BRD3: variants seen among roughly 807,000 people sequenced by gnomAD.
The protein encoded by BRD3 is bromodomain-containing protein 3.
In BRD3, 17 loss-of-function variants were observed where a neutral mutation model predicts 66.8. That is an observed-to-expected ratio of 0.25 (90% CI 0.17 to 0.38). The LOEUF is 0.38. Among genes scored for constraint, BRD3 ranks in the 10% least tolerant of loss-of-function variants. BRD3 has a pLI of 1.00. For synonymous variants in BRD3, 421 were observed against 393.2 expected (o/e 1.07, Z -0.84); for missense variants, 713 against 956.1 (o/e 0.75, Z 3.35).
At chr9:134,063,463 T>G (rs984029990) in intron 1 of BRD3, among the ~76,000 whole-genome samples, 6 of 152,146 alleles carry the variant, frequency 3.9e-5, no homozygotes, top group African/African-American at 1.4e-4. Flanking sequence ...CCTTGTGGGA[T>G]TGTCAGGCCA....
chr9:134,052,542 G>GC, intron 2 of BRD3, 99 bp from the exon 3 acceptor site: 6 of 1,373,344 alleles, frequency 4.4e-6, no homozygotes, highest in African/African-American at 1.4e-5. Flanking sequence ...GTGGACTGAG[G>GC]ACTGGGGCTG....
Position 134,032,031 on chromosome 9 carries a change from C to T in BRD3, c.*1559G>A, listed in dbSNP as rs1037874572. 2.3e-5 allele frequency: 5 copies of T among 216,866 alleles called. No homozygotes were observed. Among genetic ancestry groups the T allele is most frequent in the Non-Finnish European group, 4.6e-5 (5 of 107,662 alleles). The allele number at this position is 216,866 out of a possible 1,614,324, so 13.4% of individuals were successfully genotyped here. On this transcript the variant is annotated 3_prime_UTR_variant, in exon 12 of 12. Coordinates refer to ENST00000303407, the MANE Select transcript of BRD3 (RefSeq NM_007371.4). Reference sequence around the variant, plus strand: ...GGCTCGGGAGGGCCTGGCCAGGCCACTGGAGGCTGGCAGGGAGCAGGCATG... The same window carrying T: ...GGCTCGGGAGGGCCTGGCCAGGCCATTGGAGGCTGGCAGGGAGCAGGCATG...
At chr9:134,042,043 G>A (rs1033319062) in intron 7 of BRD3, 92 bp from the exon 8 acceptor site, 1 of 1,357,262 alleles carries the variant, frequency 7.4e-7, no homozygotes, top group Non-Finnish European at 9.8e-7. Context: ...TGCCCCTGAG[G>A]CAGCACCCAC....
chr9:134,045,143 G>A lies in BRD3; in HGVS notation c.1215+150C>T. The A allele has an allele frequency of 8.4e-7, 1 of 1,187,330 alleles. No homozygotes were observed. The highest frequency in any genetic ancestry group is 2.6e-5 in the East Asian group (1 of 38,290). The allele number at this position is 1,187,330 out of a possible 1,614,324, so 73.5% of individuals were successfully genotyped here. ...CCAGCTCAGAGCCTGACAGGGACCT[G>A]GTTGGCACTCGGGAAAAAGGTGTTG... is the stretch of plus-strand genomic sequence containing the variant. On this transcript the variant is annotated intron_variant, in intron 7 of 11. Coordinates refer to ENST00000303407, the MANE Select transcript of BRD3 (RefSeq NM_007371.4). The surrounding 1 kb of genome is among the most constrained non-coding windows in gnomAD (Gnocchi z 4.8).
rs1267886521 is a variant in BRD3, at chr9:134,050,445, G to C, written c.643C>G (p.Pro215Ala). The C allele has an allele frequency of 6.2e-7, 1 of 1,612,458 alleles. No homozygotes were observed. The highest frequency in any genetic ancestry group is 8.5e-7 in the Non-Finnish European group (1 of 1,179,700). Reference sequence around the variant, plus strand: ...GCAGGAGGAGGTGGGGCGGCAGCTGGGGGGACTGGGACCGACGTGACGTTT... The same window carrying C: ...GCAGGAGGAGGTGGGGCGGCAGCTGCGGGGACTGGGACCGACGTGACGTTT... ...TANVTSVPVP[P>A]AAAPPPPATP... The change falls in exon 5 of 12, where the codon CCA becomes GCA. Residue 215 changes from proline to alanine, a missense_variant. Pro to Ala is a conservative substitution (Grantham distance 27). Transcript: ENST00000303407.
Position 134,032,715 on chromosome 9 carries a change from A to G in BRD3, c.*875T>C. ...TTAATAAATAACTATTTATATACAC[A>G]TAAGCTCGGGAAGTGGTTCCCAAGG... On this transcript the variant is annotated 3_prime_UTR_variant, in exon 12 of 12. Transcript: ENST00000303407. The G allele has an allele frequency of 4.3e-6, 1 of 234,328 alleles. No homozygotes were observed. The highest frequency in any genetic ancestry group is 5.6e-5 in the Admixed American group (1 of 17,776). The allele number at this position is 234,328 out of a possible 1,614,324, so 14.5% of individuals were successfully genotyped here.
At position 134,031,888 on chromosome 9, in the gene BRD3, G is replaced by C; in HGVS notation, c.*1702C>G. On this transcript the variant is annotated 3_prime_UTR_variant, in exon 12 of 12. Transcript: ENST00000303407. Reference sequence around the variant, plus strand: ...CACGCTGAGGTCCGGGAGAATGCCTGGTTTCAGTCATTTCCGGACTAACTG... The same window carrying C: ...CACGCTGAGGTCCGGGAGAATGCCTCGTTTCAGTCATTTCCGGACTAACTG... The C allele has an allele frequency of 4.5e-6, 1 of 222,316 alleles. No individual in the cohort carries two copies. Among genetic ancestry groups the C allele is most frequent in the East Asian group, 6.6e-5 (1 of 15,266 alleles). 13.8% of individuals were successfully genotyped at this position (222,316 alleles called of 1,614,324 possible).
intron 7 of BRD3, among the ~76,000 whole-genome samples, chr9:134,043,003 C>A (rs1272293526): frequency 6.6e-6 from 1 of 152,122 alleles, no homozygotes; most frequent in Non-Finnish European, 1.5e-5. Flanking sequence ...CTACTCCCGG[C>A]TAACTTTTTG....
chr9:134,046,707 C>T (rs1053639175), intron 6 of BRD3, among the ~76,000 whole-genome samples: 23 of 152,352 alleles, frequency 1.5e-4, no homozygotes, highest in African/African-American at 4.3e-4. Flanking sequence ...GCCCCTTTTC[C>T]GCAGCGTCCG....
Position 134,033,116 on chromosome 9 carries a change from G to A in BRD3, c.*474C>T, listed in dbSNP as rs1460240928. 1.3e-5 allele frequency: 5 copies of A among 399,364 alleles called. No homozygotes were observed. The highest frequency in any genetic ancestry group is 1.3e-4 in the South Asian group (1 of 7,916). The allele number at this position is 399,364 out of a possible 1,614,324, so 24.7% of individuals were successfully genotyped here. On this transcript the variant is annotated 3_prime_UTR_variant, in exon 12 of 12. Coordinates refer to ENST00000303407, the MANE Select transcript of BRD3 (RefSeq NM_007371.4). The surrounding 1 kb of genome is among the most constrained non-coding windows in gnomAD (Gnocchi z 5.1). The stretch of plus-strand genomic sequence containing the variant: ...AGCCCCTCCAGAAAGAGGTGGCCGC[G>A]TCAGACACGAGGGTCAGAGCTCGGG...
intron 1 of BRD3, among the ~76,000 whole-genome samples, chr9:134,064,788 G>C (rs1036997163): frequency 1.3e-5 from 2 of 152,206 alleles, no homozygotes; most frequent in African/African-American, 4.8e-5. Context: ...CCCGGGCACA[G>C]GGGCCCATGA....
chr9:134,062,328 G>A (rs1370148724), intron 1 of BRD3, among the ~76,000 whole-genome samples: 1 of 152,170 alleles, frequency 6.6e-6, no homozygotes, highest in East Asian at 1.9e-4. Flanking sequence ...CAGACTGGTG[G>A]GGCTATCCTG....
At chr9:134,058,165 G>A (rs1830464200) in intron 1 of BRD3, 1 of 152,292 alleles carries the variant, frequency 6.6e-6, no homozygotes, top group African/African-American at 2.4e-5. Context: ...GCAGGCATGA[G>A]AGTCATGCCT....
chr9:134,065,012 T>C (rs11795079), intron 1 of BRD3, among the ~76,000 whole-genome samples: 19,950 of 152,230 alleles, frequency 0.13, 1,579 homozygotes, highest in Middle Eastern at 0.21. Flanking sequence ...GCCACAGGGG[T>C]CGGGAAGGCC....
At position 134,050,409 on chromosome 9, in the gene BRD3, C is replaced by T. The variant is rs202214693; in HGVS notation, c.679G>A (p.Val227Ile). The T allele has an allele frequency of 1.2e-4, 186 of 1,611,816 alleles. No homozygotes were observed. Among genetic ancestry groups the T allele is most frequent in the Admixed American group, 3.7e-4 (22 of 59,914 alleles). The part of the protein sequence containing the change: ...AAPPPPATPI[V>I]PVVPPTPPVV... ...GGCGGCGTAGGAGGGACCACGGGGA[C>T]GATGGGTGTGGCAGGAGGAGGTGGG... The change falls in exon 5 of 12, where the codon GTC becomes ATC. Residue 227 changes from valine (V) to isoleucine (I), a missense_variant. Val to Ile is a conservative substitution (Grantham distance 29, BLOSUM62 3). This residue lies in a region of BRD3 where 120 missense variants were observed against 122.8 expected (regional missense o/e 0.98). Coordinates refer to ENST00000303407, the MANE Select transcript of BRD3 (RefSeq NM_007371.4).
rs1189548635 is a variant in BRD3 at position 134,033,220 on chromosome 9, G to T, written c.*370C>A. Reference sequence around the variant, plus strand: ...GTACCCATATCCGAGACATTTCCTTGGAAAAAATTCTTTCTCGAGCTATCG... The same window carrying T: ...GTACCCATATCCGAGACATTTCCTTTGAAAAAATTCTTTCTCGAGCTATCG... On this transcript the variant is annotated 3_prime_UTR_variant, in exon 12 of 12. Transcript: ENST00000303407. The surrounding 1 kb of genome is among the most constrained non-coding windows in gnomAD (Gnocchi z 5.1). 7.4e-6 allele frequency: 3 copies of T among 404,966 alleles called. No individual in the cohort carries two copies. Among genetic ancestry groups the T allele is most frequent in the Non-Finnish European group, 1.3e-5 (3 of 230,218 alleles). The allele number at this position is 404,966 out of a possible 1,614,324, so 25.1% of individuals were successfully genotyped here.
At chr9:134,041,205 G>A (rs950299757) in intron 8 of BRD3, among the ~76,000 whole-genome samples, 1 of 152,224 alleles carries the variant, frequency 6.6e-6, no homozygotes, top group Non-Finnish European at 1.5e-5. Context: ...CTGGCTGGCT[G>A]CCAGAGGTCT....
chr9:134,046,966 T>A (rs1588284941), intron 6 of BRD3, among the ~76,000 whole-genome samples: 1 of 152,192 alleles, frequency 6.6e-6, no homozygotes, highest in African/African-American at 2.4e-5. Flanking sequence ...CTGTTAACTG[T>A]GCTATGGTAG....
intron 1 of BRD3, among the ~76,000 whole-genome samples, chr9:134,063,720 G>A (rs1002514784): frequency 2.0e-5 from 3 of 152,098 alleles, no homozygotes; most frequent in African/African-American, 7.2e-5. Flanking sequence ...GTGCACTGAG[G>A]GCACTCCCTC....
Sources: gnomAD v4.1 joint callset for allele counts (sites outside exome capture counted in the v4.1 genomes callset) on GRCh38, gnomAD v4.1.1 for gene constraint, gnomAD v4.1.1 regional missense constraint, Gnocchi (gnomAD v3.1) non-coding constraint, MANE v1.5 for transcripts, NCBI Gene and HGNC (gene_info 2026-07-23, HGNC 2026-07-21) for gene names.